LRRC8C: variants seen among roughly 807,000 people sequenced by gnomAD.
LRRC8C encodes the protein volume-regulated anion channel subunit LRRC8C.
In LRRC8C, 20 loss-of-function variants were observed where a neutral mutation model predicts 55.3. The ratio of observed to expected loss-of-function variants is 0.36; its 90% CI spans 0.25 to 0.53. LRRC8C has a LOEUF of 0.53. LRRC8C is among the 20% of genes least tolerant of loss of function. The pLI, the probability that LRRC8C is intolerant of heterozygous loss-of-function variation, is 0.92. For missense variants in LRRC8C, 659 were observed against 951.4 expected, an observed-to-expected ratio of 0.69 and a Z score of 4.04; for synonymous variants, 376 against 360.7, an observed-to-expected ratio of 1.04 and a Z score of -0.48.
chr1:89,706,703 C>T (rs569885680), intron 2 of LRRC8C, among the ~76,000 whole-genome samples: 1 of 152,206 alleles, frequency 6.6e-6, no homozygotes, highest in African/African-American at 2.4e-5. Context: ...ATTCGAACAG[C>T]ATTTTCAGGC....
intron 1 of LRRC8C, among the ~76,000 whole-genome samples, chr1:89,643,800 G>C (rs1290989050): frequency 6.6e-6 from 1 of 152,174 alleles, no homozygotes; most frequent in East Asian, 1.9e-4. Context: ...TAAAGCATGT[G>C]CTCATGCTGT....
At chr1:89,674,574 T>G (rs1290406176) in intron 1 of LRRC8C, among the ~76,000 whole-genome samples, 1 of 152,208 alleles carries the variant, frequency 6.6e-6, no homozygotes, top group Non-Finnish European at 1.5e-5. Flanking sequence ...GGTACATTCT[T>G]ATCAGTTTTA....
At chr1:89,658,946 C>CT (rs1657024996) in intron 1 of LRRC8C, among the ~76,000 whole-genome samples, 1 of 151,568 alleles carries the variant, frequency 6.6e-6, no homozygotes, top group South Asian at 2.1e-4. Flanking sequence ...AAAAAAGTAT[C>CT]TGAGTATGTG....
chr1:89,617,109 A>G, the LRRC8C span, among the ~76,000 whole-genome samples: 155 of 152,330 alleles, frequency 1.0e-3, no homozygotes, highest in African/African-American at 3.6e-3. Flanking sequence ...CACCAGTACC[A>G]GCAACTTGAT....
At chr1:89,686,235 C>A (rs1657878768) in intron 1 of LRRC8C, among the ~76,000 whole-genome samples, 1 of 152,078 alleles carries the variant, frequency 6.6e-6, no homozygotes, top group Non-Finnish European at 1.5e-5. Flanking sequence ...ACCTGGAGCA[C>A]AAAGGGAACC....
At chr1:89,679,240 A>C (rs1257352766) in intron 1 of LRRC8C, among the ~76,000 whole-genome samples, 1 of 152,144 alleles carries the variant, frequency 6.6e-6, no homozygotes, top group Non-Finnish European at 1.5e-5. Flanking sequence ...AATTACATGA[A>C]GTGCTGCTCA....
intron 1 of LRRC8C, among the ~76,000 whole-genome samples, chr1:89,676,689 G>A (rs1306649232): frequency 6.6e-6 from 1 of 152,146 alleles, no homozygotes. Flanking sequence ...ACAGAGATGA[G>A]ATATAAATTC....
At position 89,713,057 on chromosome 1, in the gene LRRC8C, G is replaced by T; in HGVS notation, c.487G>T (p.Gly163Trp). ...AATAGAACATTTCATCTCCATTCTG[G>T]GGAAGTGTTTTGACTCTCCTTGGAC... ...SKIEHFISIL[G>W]KCFDSPWTTR... Residue 163 changes from glycine to tryptophan, a missense_variant, in exon 3 of 3, where the codon GGG (glycine) becomes TGG (tryptophan). Gly to Trp is a radical substitution (Grantham distance 184). Transcript: ENST00000370454. This position sits in a 1 kb window ranked among gnomAD's most constrained non-coding sequence, Gnocchi z 5.2. The T allele has an allele frequency of 6.2e-7, 1 of 1,613,484 alleles. No individual in the cohort carries two copies. The highest frequency in any genetic ancestry group is 8.5e-7 in the Non-Finnish European group (1 of 1,180,024).
the LRRC8C span, among the ~76,000 whole-genome samples, chr1:89,627,456 T>C: frequency 0.6 from 90,528 of 151,910 alleles, 28,125 homozygotes; most frequent in African/African-American, 0.77. Context: ...TGCTTTCAGT[T>C]GTAAAGTGCT....
At position 89,713,076 on chromosome 1, in the gene LRRC8C, C is replaced by T; in HGVS notation, c.506C>T (p.Pro169Leu). 2 of 1,613,564 alleles carry T rather than the reference C, an allele frequency of 1.2e-6. No homozygotes were observed. The highest frequency in any genetic ancestry group is 1.7e-6 in the Non-Finnish European group (2 of 1,180,022). The change falls in exon 3 of 3, where the codon CCT becomes CTT. Residue 169 changes from proline to leucine, a missense_variant. Around this residue, in one of 5 missense-constraint regions of LRRC8C, gnomAD observed 200 missense variants for 360.5 expected, o/e 0.55. Coordinates refer to ENST00000370454, the MANE Select transcript of LRRC8C (RefSeq NM_032270.5). The surrounding 1 kb of genome is among the most constrained non-coding windows in gnomAD (Gnocchi z 5.2). ...ATTCTGGGGAAGTGTTTTGACTCTC[C>T]TTGGACCACACGGGCTTTATCTGAA... ...ISILGKCFDS[P>L]WTTRALSEVS...
rs766590054 is a variant in LRRC8C at position 89,714,325 on chromosome 1, A to G, written c.1755A>G (p.Leu585=). Reference sequence around the variant, plus strand: ...CCAAGCTGGTGATGCTCAACAACTTAAAGAAGATGACCAATCTGACAGAGC... The same window carrying G: ...CCAAGCTGGTGATGCTCAACAACTTGAAGAAGATGACCAATCTGACAGAGC... ...DGTKLVMLNN[L]KKMTNLTELE... is the part of the protein sequence containing the mutation. Residue 585 remains leucine, a synonymous_variant, in exon 3 of 3, where the codon TTA becomes TTG. Transcript: ENST00000370454. This position sits in a 1 kb window ranked among gnomAD's most constrained non-coding sequence, Gnocchi z 4.6. 1 of 1,614,188 alleles carries G rather than the reference A, an allele frequency of 6.2e-7. No homozygotes were observed. The highest frequency in any genetic ancestry group is 1.1e-5 in the South Asian group (1 of 91,086).
rs531702668 is a variant in LRRC8C at position 89,667,391 on chromosome 1, A to C, written c.-4-19079A>C. Among the ~76,000 whole-genome samples, 4 of 151,754 alleles carry C rather than the reference A, an allele frequency of 2.6e-5. No homozygotes were observed. The South Asian group carries it at 8.4e-4, about 32-fold the overall frequency. Reference sequence around the variant, plus strand: ...CTAAACCTACTTTCTGTAGCCTCTCACTCCCTTTATAAAATGGCAACTCCA... The same window carrying C: ...CTAAACCTACTTTCTGTAGCCTCTCCCTCCCTTTATAAAATGGCAACTCCA... On this transcript the variant is annotated intron_variant, in intron 1 of 2. Transcript: ENST00000370454.
intron 1 of LRRC8C, among the ~76,000 whole-genome samples, chr1:89,644,087 C>CA (rs1213212057): frequency 6.6e-6 from 1 of 152,124 alleles, no homozygotes; most frequent in Non-Finnish European, 1.5e-5. Flanking sequence ...AATAAAACAT[C>CA]AATGGTAGGA....
intron 2 of LRRC8C, among the ~76,000 whole-genome samples, chr1:89,691,967 G>A (rs1374664759): frequency 6.6e-6 from 1 of 152,106 alleles, no homozygotes; most frequent in African/African-American, 2.4e-5. Flanking sequence ...ACTCTATAGT[G>A]AGCATTAACA....
At chr1:89,675,765 T>C (rs1657530955) in intron 1 of LRRC8C, among the ~76,000 whole-genome samples, 1 of 152,118 alleles carries the variant, frequency 6.6e-6, no homozygotes, top group South Asian at 2.1e-4. Context: ...AGGAGGTGTG[T>C]ATCCACGCTA....
intron 1 of LRRC8C, among the ~76,000 whole-genome samples, chr1:89,674,162 C>CA (rs1414794813): frequency 6.6e-6 from 1 of 152,134 alleles, no homozygotes; most frequent in Admixed American, 6.5e-5. Flanking sequence ...AATTAAAGAA[C>CA]ATATCTATCT....
chr1:89,622,493 T>C, the LRRC8C span, among the ~76,000 whole-genome samples: 5 of 152,008 alleles, frequency 3.3e-5, no homozygotes, highest in Admixed American at 1.3e-4. Flanking sequence ...CCAACACTCC[T>C]GGCTAATTTT....
Position 89,713,657 on chromosome 1 carries a change from A to G in LRRC8C, c.1087A>G (p.Ile363Val). The change falls in exon 3 of 3, where the codon ATT (isoleucine) becomes GTT (valine). Residue 363 changes from isoleucine to valine, a missense_variant. Transcript: ENST00000370454. The surrounding 1 kb of genome is among the most constrained non-coding windows in gnomAD (Gnocchi z 5.2). The part of the protein sequence containing the change: ...YVRQETGIDD[I>V]PDVKNDFAFM... ...CCGTCAGGAGACTGGAATTGATGAT[A>G]TTCCAGATGTGAAAAATGACTTTGC... 2 of 1,614,190 alleles carry G rather than the reference A, an allele frequency of 1.2e-6. No individual in the cohort carries two copies. The highest frequency in any genetic ancestry group is 1.7e-6 in the Non-Finnish European group (2 of 1,180,012).
chr1:89,638,869 GTAT>G (rs1481668376), intron 1 of LRRC8C, among the ~76,000 whole-genome samples: 2 of 151,878 alleles, frequency 1.3e-5, no homozygotes, highest in African/African-American at 4.8e-5. Context: ...GAATGCTGTG[GTAT>G]TATTCATTCT....
Sources: allele counts gnomAD v4.1 joint callset (sites outside exome capture counted in the v4.1 genomes callset), GRCh38; gene constraint gnomAD v4.1.1; regional missense constraint gnomAD v4.1.1; non-coding constraint Gnocchi (gnomAD v3.1); transcripts MANE v1.5; gene names NCBI Gene and HGNC (gene_info 2026-07-23, HGNC 2026-07-21).